The following VIPAS39 variants were observed in gnomAD, a reference collection of about 807,000 sequenced individuals.
VIPAS39 encodes the protein VPS33B interacting protein, apical-basolateral polarity regulator, spe-39 homolog.
A neutral mutation model predicts 84.7 loss-of-function variants in VIPAS39; 63 were observed. The observed-to-expected ratio is 0.74, with a 90% CI of 0.61 to 0.92. The LOEUF (loss-of-function observed/expected upper bound fraction) is 0.92, where lower values mean the gene tolerates loss of function less well. VIPAS39 is among the 40% of genes least tolerant of loss of function. The probability of loss-of-function intolerance (pLI) is 0.00; values close to 1 mark genes in which losing one functional copy is unlikely to be tolerated. For synonymous variants in VIPAS39, 192 were observed against 216.5 expected, an observed-to-expected ratio of 0.89 and a Z score of 0.99; for missense variants, 499 against 604.5, an observed-to-expected ratio of 0.83 and a Z score of 1.83.
chr14:77,457,068 C>A, intron 1 of VIPAS39: 1 of 1,385,376 alleles, frequency 7.2e-7, no homozygotes, highest in Non-Finnish European at 9.3e-7. Flanking sequence ...ATGCTCCCTG[C>A]CTCAGAAAAC....
At chr14:77,438,978 A>G (rs1450297165) in intron 11 of VIPAS39, among the ~76,000 whole-genome samples, 2 of 152,266 alleles carry the variant, frequency 1.3e-5, no homozygotes, top group Non-Finnish European at 2.9e-5. Flanking sequence ...CATATAAAAT[A>G]GTTGGTATAC....
chr14:77,451,429 C>G (rs542837220), intron 3 of VIPAS39, 96 bp from the exon 4 acceptor site: 40 of 1,595,282 alleles, frequency 2.5e-5, no homozygotes, highest in Non-Finnish European at 3.3e-5. Context: ...CACCAGAAGC[C>G]CTGGTCCCTT....
At chr14:77,454,137 T>G (rs1044649249) in intron 1 of VIPAS39, 35 bp from the exon 2 acceptor site, 1 of 1,598,194 alleles carries the variant, frequency 6.3e-7, no homozygotes. Flanking sequence ...TGCCCCTTTC[T>G]GGGTCTCTCC....
In VIPAS39 at chr14:77,449,284, G is replaced by A. The variant is rs145373891; in HGVS notation, c.447+9C>T. ...GGAAAGTGTCACACCAGTGTATGCT[G>A]TAACTCACCCTATACTCCCCTTTGG... On this transcript the variant is annotated intron_variant, in intron 6 of 19. Transcript: ENST00000557658. The A allele has an allele frequency of 6.1e-4, 977 of 1,613,852 alleles. No homozygotes were observed. The highest frequency in any genetic ancestry group is 7.8e-4 in the Non-Finnish European group (915 of 1,179,722).
chr14:77,447,498 A>C (rs1343931322), intron 7 of VIPAS39, among the ~76,000 whole-genome samples: 1 of 152,122 alleles, frequency 6.6e-6, no homozygotes, highest in Non-Finnish European at 1.5e-5. Flanking sequence ...CAAAAGCATC[A>C]GCAGGATAAT....
At chr14:77,451,159 C>T in intron 4 of VIPAS39, 28 bp downstream of exon 4, 1 of 1,614,116 alleles carries the variant, frequency 6.2e-7, no homozygotes. Flanking sequence ...AGAAGGACTT[C>T]CCTATCCATT....
intron 15 of VIPAS39, 92 bp downstream of exon 15, chr14:77,434,170 A>C (rs2078567576): frequency 7.2e-7 from 1 of 1,379,332 alleles, no homozygotes; most frequent in Admixed American, 1.7e-5. Context: ...CTTGAATATC[A>C]AAGGACACAC....
intron 3 of VIPAS39, among the ~76,000 whole-genome samples, chr14:77,451,722 C>T (rs2078884885): frequency 6.6e-6 from 1 of 152,110 alleles, no homozygotes; most frequent in South Asian, 2.1e-4. Flanking sequence ...TCGCCACTAC[C>T]CTCCAGAGGC....
chr14:77,439,695 G>C (rs1255918651), intron 11 of VIPAS39, among the ~76,000 whole-genome samples: 4 of 151,898 alleles, frequency 2.6e-5, no homozygotes, highest in African/African-American at 9.7e-5. Context: ...GGAGCCTAAG[G>C]CTTGAGCCAG....
chr14:77,437,828 T>C lies in VIPAS39; in HGVS notation c.816A>G (p.Glu272=), dbSNP rs369087443. ...CTTACCCAACACAGGTTTTAAGAAA[T>C]TCTTTTCGTTTGTCAGGGTCCTGAA... ...LNIQDPDKRK[E]FLKTCVGLPF... The change falls in exon 12 of 20, where the codon GAA becomes GAG. Residue 272 remains glutamate (E), a synonymous_variant. Coordinates refer to ENST00000557658, the MANE Select transcript of VIPAS39 (RefSeq NM_001193315.2). 134 of 1,614,022 alleles carry C rather than the reference T, an allele frequency of 8.3e-5. No homozygotes were observed. Among genetic ancestry groups the C allele is most frequent in the Non-Finnish European group, 1.1e-4 (130 of 1,180,018 alleles).
chr14:77,456,458 C>G (rs1488080378), intron 1 of VIPAS39, among the ~76,000 whole-genome samples: 1 of 152,156 alleles, frequency 6.6e-6, no homozygotes, highest in South Asian at 2.1e-4. Context: ...CTCTGTCATT[C>G]GTTTGATCCT....
chr14:77,449,963 C>A (rs535109793), intron 4 of VIPAS39, among the ~76,000 whole-genome samples: 1 of 152,218 alleles, frequency 6.6e-6, no homozygotes, highest in African/African-American at 2.4e-5. Context: ...ATATACATAA[C>A]AAAATTTACC....
intron 8 of VIPAS39, among the ~76,000 whole-genome samples, chr14:77,443,936 G>C (rs955033807): frequency 1.3e-5 from 2 of 151,448 alleles, no homozygotes; most frequent in African/African-American, 4.9e-5. Flanking sequence ...AGCTACTCGG[G>C]GACCTGAGGT....
At chr14:77,444,906 C>G (rs907993019) in intron 7 of VIPAS39, among the ~76,000 whole-genome samples, 3 of 150,164 alleles carry the variant, frequency 2.0e-5, no homozygotes, top group Non-Finnish European at 3.0e-5. Flanking sequence ...TTTTAAGAAC[C>G]CTTATTCATA....
At chr14:77,449,669 TC>T in intron 5 of VIPAS39, 44 bp downstream of exon 5, 1 of 1,612,002 alleles carries the variant, frequency 6.2e-7, no homozygotes, top group Non-Finnish European at 8.5e-7. Context: ...CTGTACCAGA[TC>T]AGTAACATTT....
In VIPAS39 at chr14:77,442,589, C is replaced by G. The variant is rs750523421; in HGVS notation, c.705G>C (p.Gly235=). 1.9e-6 allele frequency: 3 copies of G among 1,614,094 alleles called. No homozygotes were observed. Among genetic ancestry groups the G allele is most frequent in the Non-Finnish European group, 2.5e-6 (3 of 1,180,024 alleles). Residue 235 remains glycine, a synonymous_variant, in exon 10 of 20, where the codon GGG becomes GGC. Coordinates refer to ENST00000557658, the MANE Select transcript of VIPAS39 (RefSeq NM_001193315.2). ...RHLIHFLKEI[G]DQKLLLDLFR... is the part of the protein sequence containing the mutation. ...AGAGGTCTAAAAGCAACTTTTGATCCCCTATTTCCTTAAGGAAGTGAATAA... is the reference window on the plus strand; with the variant it reads ...AGAGGTCTAAAAGCAACTTTTGATCGCCTATTTCCTTAAGGAAGTGAATAA...
At chr14:77,447,046 C>CT (rs34819838) in intron 7 of VIPAS39, among the ~76,000 whole-genome samples, 39,954 of 143,286 alleles carry the variant, frequency 0.28, 5,799 homozygotes, top group Admixed American at 0.38. Flanking sequence ...CCACACCTGG[C>CT]TTTTTTTTTT....
chr14:77,457,424 G>A (rs1472976380), intron 1 of VIPAS39, 71 bp downstream of exon 1: 26 of 1,533,110 alleles, frequency 1.7e-5, no homozygotes, highest in Non-Finnish European at 2.2e-5. Flanking sequence ...CTAGAAGAGG[G>A]GAAAAGATCA....
intron 6 of VIPAS39, 122 bp from the exon 7 acceptor site, chr14:77,448,672 G>C: frequency 9.3e-7 from 1 of 1,071,932 alleles, no homozygotes; most frequent in Non-Finnish European, 1.4e-6. Flanking sequence ...GGAGGGAATG[G>C]ATGTGAAAAA....
Sources: allele counts gnomAD v4.1 joint callset (sites outside exome capture counted in the v4.1 genomes callset), GRCh38; gene constraint gnomAD v4.1.1; transcripts MANE v1.5; gene names NCBI Gene and HGNC (gene_info 2026-07-23, HGNC 2026-07-21).